The following MMD variants were observed in gnomAD, a reference collection of about 807,000 sequenced individuals.
The protein encoded by MMD is monocyte to macrophage differentiation factor.
A neutral mutation model predicts 33.6 loss-of-function variants in MMD; 22 were observed. The observed-to-expected ratio is 0.66, with a 90% CI of 0.47 to 0.94. MMD has a LOEUF of 0.94. Ranked by LOEUF, MMD falls within the 40% of genes least tolerant of loss-of-function variation. The probability of loss-of-function intolerance (pLI) is 0.00; values close to 1 mark genes in which losing one functional copy is unlikely to be tolerated. For missense variants in MMD, 242 were observed against 309.8 expected, an observed-to-expected ratio of 0.78 and a Z score of 1.64; for synonymous variants, 97 against 103.2, an observed-to-expected ratio of 0.94 and a Z score of 0.36.
chr17:55,400,381 C>T (rs771582593), intron 6 of MMD, among the ~76,000 whole-genome samples: 1 of 151,978 alleles, frequency 6.6e-6, no homozygotes, highest in Non-Finnish European at 1.5e-5. Flanking sequence ...AACCCCATCT[C>T]TACTAAAAAT....
chr17:55,406,350 C>T (rs972717082), intron 4 of MMD, among the ~76,000 whole-genome samples: 1 of 152,032 alleles, frequency 6.6e-6, no homozygotes, highest in Non-Finnish European at 1.5e-5. Flanking sequence ...GCTGAGATCA[C>T]ACCTCTGTAC....
chr17:55,403,723 GCAGT>G, intron 5 of MMD, 40 bp downstream of exon 5: 4 of 1,417,772 alleles, frequency 2.8e-6, no homozygotes, highest in Non-Finnish European at 4.0e-6. Flanking sequence ...TAATATTTAG[GCAGT>G]CAATTTTAAA....
At chr17:55,404,379 C>A in intron 4 of MMD, 4 of 787,574 alleles carry the variant, frequency 5.1e-6, no homozygotes, top group Non-Finnish European at 6.2e-6. Context: ...TTAGTTTCAA[C>A]ATGGTTTAAA....
At chr17:55,402,608 C>T (rs892461086) in intron 5 of MMD, among the ~76,000 whole-genome samples, 2 of 152,158 alleles carry the variant, frequency 1.3e-5, no homozygotes, top group African/African-American at 2.4e-5. Context: ...GTGTTTTATA[C>T]TCAAAGCCTA....
chr17:55,410,570 T>C (rs1907721583), intron 3 of MMD, among the ~76,000 whole-genome samples: 1 of 152,192 alleles, frequency 6.6e-6, no homozygotes, highest in Admixed American at 6.6e-5. Context: ...AGAGCTATAG[T>C]ATTGTTTTGA....
In MMD at chr17:55,414,131, G is replaced by A; in HGVS notation, c.108+20C>T. The A allele has an allele frequency of 3.7e-6, 6 of 1,611,404 alleles. No individual in the cohort carries two copies. The highest frequency in any genetic ancestry group is 5.1e-6 in the Non-Finnish European group (6 of 1,177,668). On this transcript the variant is annotated intron_variant, in intron 2 of 6. Coordinates refer to ENST00000262065, the MANE Select transcript of MMD (RefSeq NM_012329.3). ...AAAGCCCCGTGGAAAGGATGGCAATGGTGGAAAACTTGTACTCACTGCGTG... is the reference window on the plus strand; with the variant it reads ...AAAGCCCCGTGGAAAGGATGGCAATAGTGGAAAACTTGTACTCACTGCGTG...
intron 4 of MMD, among the ~76,000 whole-genome samples, chr17:55,406,341 C>T (rs961079157): frequency 5.6e-4 from 85 of 152,102 alleles, no homozygotes; most frequent in African/African-American, 1.9e-3. Context: ...TTGCAGTGAG[C>T]TGAGATCACA....
At chr17:55,403,687 AAAAGT>A (rs1415571582) in intron 5 of MMD, 75 bp downstream of exon 5, 2 of 990,692 alleles carry the variant, frequency 2.0e-6, no homozygotes, top group Non-Finnish European at 3.0e-6. Context: ...AAGTACAAAT[AAAAGT>A]AAATTGTATT....
chr17:55,412,894 A>C (rs1907818604), intron 2 of MMD, among the ~76,000 whole-genome samples: 1 of 152,158 alleles, frequency 6.6e-6, no homozygotes, highest in African/African-American at 2.4e-5. Context: ...TGTCCTTACT[A>C]CTTTTCATGT....
chr17:55,412,281 A>C (rs1266538019), intron 2 of MMD, among the ~76,000 whole-genome samples: 1 of 152,226 alleles, frequency 6.6e-6, no homozygotes, highest in Non-Finnish European at 1.5e-5. Context: ...GGATCTGTAC[A>C]TTCCACCAAT....
At chr17:55,411,132 AG>A (rs1907744070) in intron 3 of MMD, 124 bp downstream of exon 3, 1 of 1,074,914 alleles carries the variant, frequency 9.3e-7, no homozygotes, top group Non-Finnish European at 1.3e-6. Context: ...ATAGTATTCT[AG>A]TCTACAAGGC....
At chr17:55,399,564 C>A (rs55719447) in intron 6 of MMD, among the ~76,000 whole-genome samples, 42,463 of 152,132 alleles carry the variant, frequency 0.28, 7,042 homozygotes, top group Non-Finnish European at 0.36. Context: ...CTTCTCTGGG[C>A]TTCCTTCATG....
At chr17:55,402,219 C>T (rs1264824746) in intron 5 of MMD, among the ~76,000 whole-genome samples, 1 of 151,932 alleles carries the variant, frequency 6.6e-6, no homozygotes, top group East Asian at 1.9e-4. Context: ...ATTACCATTC[C>T]AATCCAGAGC....
rs115610974 is a variant in MMD at position 55,409,443 on chromosome 17, A to G, written c.270-1623T>C. Among the ~76,000 whole-genome samples, 1,181 of 152,326 alleles carry G rather than the reference A, an allele frequency of 7.8e-3. 18 individuals are homozygous for G. The highest frequency in any genetic ancestry group is 0.028 in the African/African-American group (1,150 of 41,574). ...ACAACAGACCTGGAATCTTATCCAAAATCTGCCACCGACCTCTCTGACTCT... is the reference window on the plus strand; with the variant it reads ...ACAACAGACCTGGAATCTTATCCAAGATCTGCCACCGACCTCTCTGACTCT... On this transcript the variant is annotated intron_variant, in intron 3 of 6. Coordinates refer to ENST00000262065, the MANE Select transcript of MMD (RefSeq NM_012329.3).
chr17:55,408,780 C>T (rs1026331702), intron 3 of MMD, among the ~76,000 whole-genome samples: 1 of 152,096 alleles, frequency 6.6e-6, no homozygotes, highest in African/African-American at 2.4e-5. Context: ...GCAGGTGGAT[C>T]ACTTGAGGTC....
rs763651968 is a variant in MMD at position 55,393,493 on chromosome 17, T to C, written c.*841A>G. On this transcript the variant is annotated 3_prime_UTR_variant, in exon 7 of 7. Transcript: ENST00000262065. ...ACTGTCATAATACAGAAAAAACATT[T>C]ATCCACTGTGGAAAGAGACCCTGAA... 7 of 152,616 alleles carry C rather than the reference T, an allele frequency of 4.6e-5. No homozygotes were observed. The highest frequency in any genetic ancestry group is 8.8e-5 in the Non-Finnish European group (6 of 68,026). 9.5% of individuals were successfully genotyped at this position (152,616 alleles called of 1,614,324 possible). A position where few individuals can be genotyped will look rare whatever the true frequency, so the allele number is the denominator to read the frequency against.
chr17:55,414,060 C>A lies in MMD; in HGVS notation c.108+91G>T, dbSNP rs147957782. 651 of 1,254,056 alleles carry A rather than the reference C, an allele frequency of 5.2e-4. 1 individual carries two copies. In the African/African-American group the frequency reaches 8.9e-3, roughly 17 times the overall value. 77.7% of individuals were successfully genotyped at this position (1,254,056 alleles called of 1,614,324 possible). On this transcript the variant is annotated intron_variant, in intron 2 of 6. Transcript: ENST00000262065. ...TAAGGTCACAGATGGGTAAATCCAA[C>A]TAATTGTGCTGAGGTTACTAGAGAT...
Position 55,403,845 on chromosome 17 carries a change from G to A in MMD, c.368C>T (p.Pro123Leu). ...APWLNLRELG[P>L]LASHMRWFIW... Reference sequence around the variant, plus strand: ...AAACCAACGCATATGAGATGCCAGGGGTCCAAGTTCACGAAGATTTAACCT... The same window carrying A: ...AAACCAACGCATATGAGATGCCAGGAGTCCAAGTTCACGAAGATTTAACCT... The change falls in exon 5 of 7, where the codon CCC becomes CTC. Residue 123 changes from proline to leucine, a missense_variant. By Grantham distance (98) the Pro-to-Leu change is moderately conservative. Transcript: ENST00000262065. 1 of 1,613,072 alleles carries A rather than the reference G, an allele frequency of 6.2e-7. No homozygotes were observed. The highest frequency in any genetic ancestry group is 1.1e-5 in the South Asian group (1 of 90,952).
intron 4 of MMD, among the ~76,000 whole-genome samples, chr17:55,406,192 T>G (rs1907537253): frequency 6.6e-6 from 1 of 151,496 alleles, no homozygotes. Flanking sequence ...GTCAGGAGTT[T>G]GAGACCAGCC....
Sources: gnomAD v4.1 joint callset for allele counts (sites outside exome capture counted in the v4.1 genomes callset) on GRCh38, gnomAD v4.1.1 for gene constraint, MANE v1.5 for transcripts, NCBI Gene and HGNC (gene_info 2026-07-23, HGNC 2026-07-21) for gene names.